Variants in FSTL4 observed in about 807,000 individuals in gnomAD.
FSTL4 encodes the protein follistatin like 4.
FSTL4 carries 28 observed loss-of-function variants against 78.2 expected under a neutral mutation model. The ratio of observed to expected loss-of-function variants is 0.36; its 90% CI spans 0.27 to 0.49. The LOEUF (loss-of-function observed/expected upper bound fraction) is 0.49. Ranked by LOEUF, FSTL4 falls within the 20% of genes least tolerant of loss-of-function variation. The pLI, the probability that FSTL4 is intolerant of heterozygous loss-of-function variation, is 0.98. For synonymous variants in FSTL4, 422 were observed against 440.5 expected, an observed-to-expected ratio of 0.96 and a Z score of 0.53; for missense variants, 922 against 1,084.9, an observed-to-expected ratio of 0.85 and a Z score of 2.11.
At chr5:133,732,455 A>T in the FSTL4 span, among the ~76,000 whole-genome samples, 1 of 152,158 alleles carries the variant, frequency 6.6e-6, no homozygotes, top group Non-Finnish European at 1.5e-5. Context: ...TCTGTGCCAC[A>T]GATGCTTTAA....
At chr5:133,433,850 G>A (rs548987051) in intron 3 of FSTL4, among the ~76,000 whole-genome samples, 1 of 152,112 alleles carries the variant, frequency 6.6e-6, no homozygotes, top group Non-Finnish European at 1.5e-5. Context: ...TGGGCCAAGA[G>A]GGGAGGCTAG....
chr5:133,495,116 A>C (rs1324538657), intron 3 of FSTL4, among the ~76,000 whole-genome samples: 2 of 152,206 alleles, frequency 1.3e-5, no homozygotes, highest in Non-Finnish European at 2.9e-5. Context: ...AACATTTGTG[A>C]GAAGGATCCA....
chr5:133,648,571 G>T, the FSTL4 span, among the ~76,000 whole-genome samples: 1 of 152,094 alleles, frequency 6.6e-6, no homozygotes, highest in East Asian at 1.9e-4. Flanking sequence ...TTCTAAGCCT[G>T]GGAAGAAGCT....
intron 6 of FSTL4, among the ~76,000 whole-genome samples, chr5:133,303,566 T>C (rs7735790): frequency 0.032 from 4,838 of 152,308 alleles, 282 homozygotes; most frequent in African/African-American, 0.11. Context: ...TCAGTCACTA[T>C]GTCCCGTGTG....
At chr5:133,771,928 T>C in the FSTL4 span, among the ~76,000 whole-genome samples, 1 of 152,204 alleles carries the variant, frequency 6.6e-6, no homozygotes, top group Admixed American at 6.5e-5. Flanking sequence ...TTATACTGTT[T>C]TCAAATGTTC....
At chr5:133,476,604 A>G (rs1266220003) in intron 3 of FSTL4, among the ~76,000 whole-genome samples, 1 of 152,080 alleles carries the variant, frequency 6.6e-6, no homozygotes, top group Non-Finnish European at 1.5e-5. Context: ...CTAGCCACTT[A>G]CCTCCTTGGT....
At chr5:133,537,221 C>G (rs1004219429) in intron 3 of FSTL4, among the ~76,000 whole-genome samples, 4 of 152,170 alleles carry the variant, frequency 2.6e-5, no homozygotes, top group African/African-American at 9.7e-5. Context: ...ATACACTGTT[C>G]ATTTTGGGGG....
chr5:133,670,114 CA>C, the FSTL4 span, among the ~76,000 whole-genome samples: 1 of 152,212 alleles, frequency 6.6e-6, no homozygotes, highest in East Asian at 1.9e-4. Flanking sequence ...CCGTCGTCAA[CA>C]TAGCAGTAAA....
intron 3 of FSTL4, among the ~76,000 whole-genome samples, chr5:133,552,147 C>T (rs1759701366): frequency 6.6e-6 from 1 of 152,174 alleles, no homozygotes. Context: ...CTGCCCTCCA[C>T]TTTCCTCTCT....
chr5:133,503,433 C>T (rs1348620443), intron 3 of FSTL4, among the ~76,000 whole-genome samples: 1 of 151,776 alleles, frequency 6.6e-6, no homozygotes, highest in Non-Finnish European at 1.5e-5. Context: ...AGCCAGTGTG[C>T]ACTGGCTCCG....
chr5:133,392,553 T>C (rs1329450355), intron 4 of FSTL4, among the ~76,000 whole-genome samples: 1 of 152,068 alleles, frequency 6.6e-6, no homozygotes, highest in African/African-American at 2.4e-5. Flanking sequence ...GGACAGGAGC[T>C]AGGTGCAGAC....
the FSTL4 span, among the ~76,000 whole-genome samples, chr5:133,828,929 G>T: frequency 2.6e-5 from 4 of 152,194 alleles, no homozygotes; most frequent in Admixed American, 2.6e-4. Context: ...GGATCTGAGT[G>T]GGGCTAAGAG....
intron 6 of FSTL4, among the ~76,000 whole-genome samples, chr5:133,289,480 A>ACTT (rs1753208180): frequency 6.6e-6 from 1 of 152,156 alleles, no homozygotes; most frequent in African/African-American, 2.4e-5. Context: ...TGGGAGCCCC[A>ACTT]CTTCCCTAGA....
the FSTL4 span, among the ~76,000 whole-genome samples, chr5:133,658,391 A>T: frequency 6.6e-6 from 1 of 152,134 alleles, no homozygotes; most frequent in Non-Finnish European, 1.5e-5. Context: ...TAGCTGTAAA[A>T]CTATATGGAG....
At chr5:133,616,902 C>A (rs1423959927), upstream of FSTL4, among the ~76,000 whole-genome samples, 4 of 152,088 alleles carry the variant, frequency 2.6e-5, no homozygotes, top group African/African-American at 9.7e-5. Flanking sequence ...TGGACACTTA[C>A]TTGTCTTGCT....
At chr5:133,615,499 G>T (rs1236135307), upstream of FSTL4, among the ~76,000 whole-genome samples, 3 of 152,130 alleles carry the variant, frequency 2.0e-5, no homozygotes, top group African/African-American at 4.8e-5. Flanking sequence ...TGGGAATTGG[G>T]AATGGGTACA....
chr5:133,205,731 T>C (rs796568280), intron 14 of FSTL4, among the ~76,000 whole-genome samples: 7 of 152,332 alleles, frequency 4.6e-5, no homozygotes, highest in African/African-American at 1.4e-4. Context: ...ATAAAATCTT[T>C]AGAAACACCG....
chr5:133,252,340 TG>T (rs1384969036), intron 6 of FSTL4: 3 of 151,830 alleles, frequency 2.0e-5, no homozygotes, highest in Non-Finnish European at 4.4e-5. Context: ...GGGCTTCCCC[TG>T]GGCCCTAGAG....
Position 133,250,484 on chromosome 5 carries a change from C to T in FSTL4, c.728-908G>A, listed in dbSNP as rs575123548. ...GAGCTGAGGGAAGCAGGCTGGCTCT[C>T]GGTGCAGTGGGTACTATTTTGTCTA... On this transcript the variant is annotated intron_variant, in intron 6 of 15. Transcript: ENST00000265342. Among the ~76,000 whole-genome samples the T allele has an allele frequency of 7.9e-5, 12 of 152,292 alleles. No individual in the cohort carries two copies. In the South Asian group the frequency reaches 8.3e-4, roughly 11 times the overall value.
Sources: gnomAD v4.1 joint callset for allele counts (sites outside exome capture counted in the v4.1 genomes callset) on GRCh38, gnomAD v4.1.1 for gene constraint, MANE v1.5 for transcripts, NCBI Gene and HGNC (gene_info 2026-07-23, HGNC 2026-07-21) for gene names.